The following FERMT2 variants were observed in gnomAD, a reference collection of about 807,000 sequenced individuals.
The protein encoded by FERMT2 is FERM domain containing kindlin 2, also known as fermitin family homolog 2.
In FERMT2, 15 loss-of-function variants were observed where a neutral mutation model predicts 82.7. The ratio of observed to expected loss-of-function variants is 0.18; its 90% CI spans 0.12 to 0.28. FERMT2 has a LOEUF of 0.28. Among genes scored for constraint, FERMT2 ranks in the 10% least tolerant of loss-of-function variants. The pLI is 1.00. For synonymous variants in FERMT2, 274 were observed against 271.5 expected, an observed-to-expected ratio of 1.01 and a Z score of -0.09; for missense variants, 645 against 809.4, an observed-to-expected ratio of 0.80 and a Z score of 2.46.
At chr14:52,859,225 G>A (rs1884750526) in intron 14 of FERMT2, 1 of 176,512 alleles carries the variant, frequency 5.7e-6, no homozygotes, top group African/African-American at 2.4e-5. Flanking sequence ...AAAAGGCTGT[G>A]ATGAGGTTTA....
At chr14:52,879,893 T>TA (rs1264392609) in intron 6 of FERMT2, among the ~76,000 whole-genome samples, 3 of 152,178 alleles carry the variant, frequency 2.0e-5, no homozygotes, top group Non-Finnish European at 4.4e-5. Flanking sequence ...AGTACTATGG[T>TA]AGCAGAGATA....
chr14:52,865,426 A>G (rs909290694), intron 10 of FERMT2, among the ~76,000 whole-genome samples: 5 of 152,220 alleles, frequency 3.3e-5, no homozygotes, highest in African/African-American at 1.2e-4. Context: ...GTAACAGTAT[A>G]ATAAATACAG....
chr14:52,905,837 G>T (rs1363114383), intron 3 of FERMT2, among the ~76,000 whole-genome samples: 2 of 152,152 alleles, frequency 1.3e-5, no homozygotes, highest in Non-Finnish European at 2.9e-5. Flanking sequence ...TAAAGAAATG[G>T]TTTTGTTATT....
chr14:52,942,251 A>G (rs1409781761), intron 2 of FERMT2, among the ~76,000 whole-genome samples: 2 of 151,742 alleles, frequency 1.3e-5, no homozygotes, highest in Admixed American at 1.3e-4. Context: ...ATCAATATAT[A>G]TGTATTATCT....
At chr14:52,879,684 T>C (rs1176888929) in intron 6 of FERMT2, among the ~76,000 whole-genome samples, 1 of 152,120 alleles carries the variant, frequency 6.6e-6, no homozygotes, top group East Asian at 1.9e-4. Flanking sequence ...TACTTAAGCA[T>C]ATAATAAAAG....
chr14:52,875,175 G>C (rs767256204), intron 8 of FERMT2, 48 bp downstream of exon 8: 21 of 1,516,182 alleles, frequency 1.4e-5, no homozygotes, highest in Non-Finnish European at 1.7e-5. Context: ...AAAATGGAAT[G>C]CATCAATTCA....
intron 3 of FERMT2, among the ~76,000 whole-genome samples, chr14:52,916,109 G>A (rs1055507602): frequency 4.6e-5 from 7 of 152,004 alleles, no homozygotes; most frequent in Non-Finnish European, 7.4e-5. Context: ...TTTGGGAGGC[G>A]GAGGTGGGTG....
intron 3 of FERMT2, among the ~76,000 whole-genome samples, chr14:52,894,000 G>A (rs1288843496): frequency 3.3e-5 from 5 of 151,968 alleles, no homozygotes; most frequent in African/African-American, 1.2e-4. Flanking sequence ...GGCTAATTTT[G>A]TATTTTTAAT....
At chr14:52,875,193 T>C (rs773764200) in intron 8 of FERMT2, 30 bp downstream of exon 8, 1 of 1,585,184 alleles carries the variant, frequency 6.3e-7, no homozygotes, top group Admixed American at 1.9e-5. Context: ...TCAAGCTAAA[T>C]TAGTAGGTAA....
At chr14:52,936,482 A>G (rs1455452108) in intron 2 of FERMT2, among the ~76,000 whole-genome samples, 2 of 152,294 alleles carry the variant, frequency 1.3e-5, no homozygotes, top group Non-Finnish European at 2.9e-5. Flanking sequence ...ATAATGCTAA[A>G]TCTTTTAAAC....
chr14:52,902,887 A>AAAAAAAAAAAAAAAAAAAAAAAAC (rs1417117125), intron 3 of FERMT2, among the ~76,000 whole-genome samples: 1 of 139,452 alleles, frequency 7.2e-6, no homozygotes, highest in African/African-American at 2.7e-5. Flanking sequence ...AAAAAAAAAA[A>AAAAAAAAAAAAAAAAAAAAAAAAC]AAAACCCCAA....
rs761175410 is a variant in FERMT2, at chr14:52,893,386, T to C, written c.433A>G (p.Arg145Gly). ...TTCTTTTTTTTCTTTGTTGGATCTC[T>C]GGGTTTCTTTAAGAGAGAAAGTTCT... ...PEELSLLKKP[R>G]DPTKKKKKKL... The change falls in exon 4 of 15, where the codon AGA becomes GGA. Residue 145 changes from arginine (R) to glycine (G), a missense_variant. Physicochemically the swap from Arg to Gly is moderately radical, Grantham distance 125 (BLOSUM62 -2). Transcript: ENST00000341590. 8.1e-6 allele frequency: 13 copies of C among 1,611,984 alleles called. No homozygotes were observed. In the East Asian group the frequency reaches 8.9e-5, roughly 11 times the overall value.
chr14:52,937,756 A>G (rs1566761576), intron 2 of FERMT2, among the ~76,000 whole-genome samples: 1 of 152,192 alleles, frequency 6.6e-6, no homozygotes, highest in Non-Finnish European at 1.5e-5. Flanking sequence ...AAAATAGAGC[A>G]TGAATGTATA....
chr14:52,904,380 G>A (rs1318964044), intron 3 of FERMT2, among the ~76,000 whole-genome samples: 1 of 152,242 alleles, frequency 6.6e-6, no homozygotes, highest in Non-Finnish European at 1.5e-5. Flanking sequence ...AGCTGGGCAT[G>A]GTGGCATGTA....
intron 4 of FERMT2, among the ~76,000 whole-genome samples, chr14:52,889,134 TAC>T (rs1886783043): frequency 1.3e-5 from 2 of 152,226 alleles, no homozygotes; most frequent in African/African-American, 2.4e-5. Context: ...CTTCTCATGC[TAC>T]CAATTTTTCA....
chr14:52,860,557 C>A, intron 12 of FERMT2, 92 bp from the exon 13 acceptor site: 2 of 1,081,024 alleles, frequency 1.9e-6, no homozygotes, highest in Admixed American at 2.6e-5. Flanking sequence ...TTACGCACCC[C>A]GTACCCCAAA....
At chr14:52,898,220 T>C (rs1347450625) in intron 3 of FERMT2, among the ~76,000 whole-genome samples, 1 of 152,172 alleles carries the variant, frequency 6.6e-6, no homozygotes, top group African/African-American at 2.4e-5. Context: ...AGAGCAGAAA[T>C]CATGTTAAGT....
In FERMT2 at chr14:52,947,230, A is replaced by T. The variant is rs920558434; in HGVS notation, c.157+3182T>A. ...CGTGGTGGCTCACGTCTGCAATCTCAACACTTTGGGAGGCCAAGGCAGGCG... is the reference window on the plus strand; with the variant it reads ...CGTGGTGGCTCACGTCTGCAATCTCTACACTTTGGGAGGCCAAGGCAGGCG... On this transcript the variant is annotated intron_variant, in intron 2 of 14. Coordinates refer to ENST00000341590, the MANE Select transcript of FERMT2 (RefSeq NM_006832.3). Among the ~76,000 whole-genome samples the T allele has an allele frequency of 1.7e-4, 26 of 152,224 alleles. 1 individual carries two copies. Among genetic ancestry groups the T allele is most frequent in the Admixed American group, 1.5e-3 (23 of 15,284 alleles).
chr14:52,943,387 T>C (rs1035826286), intron 2 of FERMT2, among the ~76,000 whole-genome samples: 3 of 152,108 alleles, frequency 2.0e-5, no homozygotes, highest in Non-Finnish European at 4.4e-5. Flanking sequence ...CAATAAGCCA[T>C]TTATTATATA....
Sources: allele counts gnomAD v4.1 joint callset (sites outside exome capture counted in the v4.1 genomes callset), GRCh38; gene constraint gnomAD v4.1.1; transcripts MANE v1.5; gene names NCBI Gene and HGNC (gene_info 2026-07-23, HGNC 2026-07-21).